MGAT5: variants seen among roughly 807,000 people sequenced by gnomAD.
MGAT5 encodes alpha-1,6-mannosylglycoprotein 6-beta-N-acetylglucosaminyltransferase.
MGAT5 carries 30 observed loss-of-function variants against 94.3 expected under a neutral mutation model. That is an observed-to-expected ratio of 0.32 (90% CI 0.24 to 0.43). MGAT5 has a LOEUF of 0.43. MGAT5 is among the 20% of genes least tolerant of loss of function. The pLI, the probability that MGAT5 is intolerant of heterozygous loss-of-function variation, is 1.00. For missense variants in MGAT5, 691 were observed against 905.5 expected, an observed-to-expected ratio of 0.76 and a Z score of 3.04; for synonymous variants, 310 against 322.9, an observed-to-expected ratio of 0.96 and a Z score of 0.43.
chr2:134,431,455 G>A (rs1684869363), intron 14 of MGAT5, among the ~76,000 whole-genome samples: 1 of 152,164 alleles, frequency 6.6e-6, no homozygotes, highest in Non-Finnish European at 1.5e-5. Context: ...AGGAAGCCAA[G>A]ACCCCATTGG....
intron 15 of MGAT5, among the ~76,000 whole-genome samples, chr2:134,446,042 T>C (rs1213458801): frequency 6.6e-6 from 1 of 151,858 alleles, no homozygotes; most frequent in Non-Finnish European, 1.5e-5. Flanking sequence ...GGCCAGGGGG[T>C]TGGTTAGAGC....
chr2:134,293,253 A>G (rs1465248432), intron 2 of MGAT5, among the ~76,000 whole-genome samples: 1 of 152,208 alleles, frequency 6.6e-6, no homozygotes, highest in East Asian at 1.9e-4. Context: ...TAAATTGGAA[A>G]TGAATACATT....
intron 2 of MGAT5, among the ~76,000 whole-genome samples, chr2:134,282,134 A>G (rs965404102): frequency 2.6e-5 from 4 of 152,216 alleles, no homozygotes; most frequent in Admixed American, 2.6e-4. Flanking sequence ...GGTGATGAAG[A>G]TAAACTGCCT....
intron 6 of MGAT5, among the ~76,000 whole-genome samples, chr2:134,339,494 T>C (rs1688511833): frequency 6.6e-6 from 1 of 152,110 alleles, no homozygotes; most frequent in East Asian, 1.9e-4. Context: ...ATAAAGGAGA[T>C]GGTGATGATG....
intron 14 of MGAT5, among the ~76,000 whole-genome samples, chr2:134,438,365 T>C (rs745775): frequency 0.09 from 13,695 of 152,222 alleles, 678 homozygotes; most frequent in Middle Eastern, 0.15. Context: ...ATAAACAAAG[T>C]TGCTTGCATT....
chr2:134,338,578 T>C (rs1023309328), intron 6 of MGAT5, among the ~76,000 whole-genome samples, 158 bp downstream of exon 6: 1 of 152,126 alleles, frequency 6.6e-6, no homozygotes, highest in African/African-American at 2.4e-5. Context: ...GGTTGTCCTT[T>C]CCCCACTTAC....
intron 11 of MGAT5, among the ~76,000 whole-genome samples, chr2:134,411,348 C>T (rs530644235): frequency 6.6e-6 from 1 of 152,184 alleles, no homozygotes; most frequent in South Asian, 2.1e-4. Context: ...TTCTGCTGCC[C>T]AAGGGGGAAA....
intron 10 of MGAT5, among the ~76,000 whole-genome samples, chr2:134,396,578 A>C (rs1156900711): frequency 6.6e-6 from 1 of 152,170 alleles, no homozygotes; most frequent in Non-Finnish European, 1.5e-5. Flanking sequence ...TAGAATACAC[A>C]CTTAGGTAGT....
chr2:134,251,398 G>A (rs1165667482), upstream of MGAT5, among the ~76,000 whole-genome samples: 1 of 152,162 alleles, frequency 6.6e-6, no homozygotes, highest in Non-Finnish European at 1.5e-5. Context: ...CTAGTTGGCT[G>A]GCCTGCAGTT....
chr2:134,266,969 A>G (rs2105608732), intron 1 of MGAT5, among the ~76,000 whole-genome samples: 1 of 152,364 alleles, frequency 6.6e-6, no homozygotes, highest in Non-Finnish European at 1.5e-5. Context: ...AATTTTAAAA[A>G]AATCTTGGAT....
At chr2:134,334,465 G>A (rs1431260418) in intron 4 of MGAT5, among the ~76,000 whole-genome samples, 3 of 92,080 alleles carry the variant, frequency 3.3e-5, no homozygotes, top group Non-Finnish European at 6.0e-5. Flanking sequence ...GGTGTAAGGT[G>A]TATTTCAAAT....
chr2:134,441,634 C>T, intron 14 of MGAT5, 124 bp from the exon 15 acceptor site: 1 of 1,200,562 alleles, frequency 8.3e-7, no homozygotes, highest in Non-Finnish European at 1.2e-6. Context: ...CCATGTGGCT[C>T]CCAACTCTTC....
chr2:134,338,287 T>G lies in MGAT5; in HGVS notation c.674T>G (p.Leu225Arg). 6.2e-7 allele frequency: 1 copy of G among 1,608,778 alleles called. No homozygotes were observed. The highest frequency in any genetic ancestry group is 1.1e-5 in the South Asian group (1 of 89,804). ...LAEIRTDFNI[L>R]YSMMKKHEEF... The stretch of plus-strand genomic sequence containing the variant: ...GAAATTCGTACAGATTTTAATATTC[T>G]CTACAGTATGATGAAAAAGCATGAA... The change falls in exon 6 of 16, where the codon CTC becomes CGC. Residue 225 changes from leucine to arginine, a missense_variant. This residue lies in a region of MGAT5 where 307 missense variants were observed against 335.4 expected (regional missense o/e 0.92). Coordinates refer to ENST00000281923, the MANE Select transcript of MGAT5 (RefSeq NM_002410.5).
intron 1 of MGAT5, among the ~76,000 whole-genome samples, chr2:134,156,883 G>C (rs144156986): frequency 6.6e-6 from 1 of 152,102 alleles, no homozygotes; most frequent in Non-Finnish European, 1.5e-5. Context: ...CGTTGGACTC[G>C]GACACATCCA....
intron 1 of MGAT5, among the ~76,000 whole-genome samples, chr2:134,151,384 A>G (rs1172857943): frequency 9.0e-6 from 1 of 110,888 alleles, no homozygotes; most frequent in African/African-American, 3.7e-5. Flanking sequence ...TGTGGGACCC[A>G]CTCACCGCCA....
At chr2:134,162,084 G>T (rs995961676) in intron 1 of MGAT5, among the ~76,000 whole-genome samples, 1 of 151,978 alleles carries the variant, frequency 6.6e-6, no homozygotes, top group Non-Finnish European at 1.5e-5. Context: ...CAACTGCTTG[G>T]GAGGCTGAGG....
chr2:134,417,468 A>G (rs1172451233), intron 12 of MGAT5, among the ~76,000 whole-genome samples: 1 of 151,898 alleles, frequency 6.6e-6, no homozygotes, highest in Non-Finnish European at 1.5e-5. Context: ...TCAGTCTTTC[A>G]CTATCACCCA....
chr2:134,381,449 A>G (rs1014797423), intron 10 of MGAT5, among the ~76,000 whole-genome samples: 1 of 150,226 alleles, frequency 6.7e-6, no homozygotes, highest in Admixed American at 6.6e-5. Context: ...GCAACATAGC[A>G]AGACCTGTCT....
chr2:134,142,729 A>G (rs1316078165), intron 1 of MGAT5, among the ~76,000 whole-genome samples: 3 of 152,210 alleles, frequency 2.0e-5, no homozygotes, highest in African/African-American at 7.2e-5. Flanking sequence ...TGACAGAGGA[A>G]GAAATGTCAG....
Sources: allele counts gnomAD v4.1 joint callset (sites outside exome capture counted in the v4.1 genomes callset), GRCh38; gene constraint gnomAD v4.1.1; regional missense constraint gnomAD v4.1.1; transcripts MANE v1.5; gene names NCBI Gene and HGNC (gene_info 2026-07-23, HGNC 2026-07-21).